The following ALMS1 variants were observed in gnomAD, a reference collection of about 807,000 sequenced individuals.
ALMS1 encodes the protein centrosome-associated protein ALMS1.
In ALMS1, 271 loss-of-function variants were observed where a neutral mutation model predicts 352.2. The observed-to-expected ratio is 0.77, with a 90% confidence interval of 0.70 to 0.85. The LOEUF (loss-of-function observed/expected upper bound fraction) is 0.85. Among genes scored for constraint, ALMS1 ranks in the 40% least tolerant of loss-of-function variants. The pLI, the probability that ALMS1 is intolerant of heterozygous loss-of-function variation, is 0.00. For missense variants in ALMS1, 5,445 were observed against 4,870.7 expected (o/e 1.12, Z -3.51); for synonymous variants, 1,865 against 1,761.2 (o/e 1.06, Z -1.48).
intron 6 of ALMS1, among the ~76,000 whole-genome samples, chr2:73,428,243 T>A (rs1671419570): frequency 6.6e-6 from 1 of 152,204 alleles, no homozygotes; most frequent in Non-Finnish European, 1.5e-5. Flanking sequence ...GAGATTATTA[T>A]CATCCCTATT....
In ALMS1 at chr2:73,453,594, C is replaced by T. The variant is rs757852651; in HGVS notation, c.7067C>T (p.Ser2356Leu). Reference protein sequence around the residue: ...RGIENWEFISSTTVRSPLQEA... With the variant: ...RGIENWEFISLTTVRSPLQEA... ...ATTGAAAATTGGGAGTTTATTAGTT[C>T]AACTACAGTTAGAAGTCCTCTACAG... is the stretch of plus-strand genomic sequence containing the variant. Residue 2356 changes from serine to leucine, a missense_variant, in exon 8 of 23, where the codon TCA becomes TTA. Coordinates refer to ENST00000613296, the MANE Select transcript of ALMS1 (RefSeq NM_001378454.1). 1.2e-6 allele frequency: 2 copies of T among 1,613,844 alleles called. No individual in the cohort carries two copies. Among genetic ancestry groups the T allele is most frequent in the Non-Finnish European group, 1.7e-6 (2 of 1,179,982 alleles).
chr2:73,509,147 C>T (rs1476035811), intron 10 of ALMS1, among the ~76,000 whole-genome samples: 1 of 152,006 alleles, frequency 6.6e-6, no homozygotes, highest in Admixed American at 6.6e-5. Context: ...TGTGTCTTTG[C>T]ACATGAGATG....
chr2:73,456,717 A>G (rs1172830520), intron 9 of ALMS1: 3 of 152,208 alleles, frequency 2.0e-5, no homozygotes, highest in African/African-American at 7.2e-5. Flanking sequence ...GGTTTTACGT[A>G]TATGCTTGTG....
chr2:73,457,032 T>G (rs1572940911), intron 9 of ALMS1: 2 of 152,266 alleles, frequency 1.3e-5, no homozygotes, highest in South Asian at 4.1e-4. Flanking sequence ...CAGCATGAAG[T>G]ATATTCAGTA....
intron 11 of ALMS1, among the ~76,000 whole-genome samples, chr2:73,530,470 C>T (rs1673885439): frequency 6.6e-6 from 1 of 152,192 alleles, no homozygotes; most frequent in African/African-American, 2.4e-5. Context: ...GCAGCTCCAC[C>T]CCTGAGGTTT....
intron 9 of ALMS1, among the ~76,000 whole-genome samples, chr2:73,475,383 C>G (rs1402488350): frequency 6.6e-6 from 1 of 152,074 alleles, no homozygotes; most frequent in Non-Finnish European, 1.5e-5. Flanking sequence ...CACGTCCTTT[C>G]CAACATTTGT....
intron 12 of ALMS1, among the ~76,000 whole-genome samples, chr2:73,539,073 G>C (rs989979541): frequency 7.2e-5 from 11 of 152,204 alleles, no homozygotes; most frequent in Admixed American, 7.2e-4. Context: ...TCTGAGAACG[G>C]ACAGATTACC....
At chr2:73,404,901 T>A (rs1670942644) in intron 1 of ALMS1, among the ~76,000 whole-genome samples, 2 of 102,578 alleles carry the variant, frequency 1.9e-5, no homozygotes, top group South Asian at 3.1e-4. Flanking sequence ...TCCTGGACCT[T>A]TTTTTTTTTT....
In ALMS1 at chr2:73,406,120, C is replaced by T. The variant is rs896795411; in HGVS notation, c.325-2502C>T. On this transcript the variant is annotated intron_variant, in intron 1 of 22. Transcript: ENST00000613296. Reference sequence around the variant, plus strand: ...CATGGAAAGTTGGTTATTGAAGTCTCTCACTGTTTTTGGAGAGCTCCCTTC... The same window carrying T: ...CATGGAAAGTTGGTTATTGAAGTCTTTCACTGTTTTTGGAGAGCTCCCTTC... Among the ~76,000 whole-genome samples the T allele has an allele frequency of 2.6e-5, 4 of 152,158 alleles. No homozygotes were observed. The South Asian group carries it at 8.3e-4, about 32-fold the overall frequency.
At chr2:73,505,585 C>T (rs1382309072) in intron 10 of ALMS1, among the ~76,000 whole-genome samples, 1 of 151,642 alleles carries the variant, frequency 6.6e-6, no homozygotes, top group African/African-American at 2.4e-5. Context: ...TTTTCTTGTA[C>T]ATTTGTTTAA....
In ALMS1 at chr2:73,490,457, T is replaced by G. The variant is rs1672955445; in HGVS notation, c.8498T>G (p.Phe2833Cys). The change falls in exon 10 of 23, where the codon TTC becomes TGC. Residue 2833 changes from phenylalanine (F) to cysteine (C), a missense_variant. Phe to Cys is a radical substitution (Grantham distance 205). Transcript: ENST00000613296. Reference protein sequence around the residue: ...EPSTRANCSNFKEIQISDNHT... With the variant: ...EPSTRANCSNCKEIQISDNHT... ...AGTACCAGGGCAAATTGTAGCAATTTCAAGGAAATTCAGATTTCTGATAAC... is the reference window on the plus strand; with the variant it reads ...AGTACCAGGGCAAATTGTAGCAATTGCAAGGAAATTCAGATTTCTGATAAC... The G allele has an allele frequency of 6.2e-7, 1 of 1,614,054 alleles. No individual in the cohort carries two copies. Among genetic ancestry groups the G allele is most frequent in the South Asian group, 1.1e-5 (1 of 91,082 alleles).
At chr2:73,604,367 C>T (rs1455) in intron 21 of ALMS1, among the ~76,000 whole-genome samples, 2 of 151,906 alleles carry the variant, frequency 1.3e-5, no homozygotes, top group South Asian at 2.1e-4. Context: ...CATTACGCTC[C>T]GGCCTGGGTA....
In ALMS1 at chr2:73,572,745, T is replaced by C. The variant is rs1285643974; in HGVS notation, c.10868T>C (p.Leu3623Pro). The C allele has an allele frequency of 6.2e-7, 1 of 1,614,116 alleles. No individual in the cohort carries two copies. The highest frequency in any genetic ancestry group is 1.7e-5 in the Admixed American group (1 of 59,998). Reference protein sequence around the residue: ...RQPELGDRKELSLVDRLDRLA... With the variant: ...RQPELGDRKEPSLVDRLDRLA... Reference sequence around the variant, plus strand: ...CCTGAGTTGGGTGACAGGAAAGAACTGTCCTTGGTGGACCGACTTGATCGT... The same window carrying C: ...CCTGAGTTGGGTGACAGGAAAGAACCGTCCTTGGTGGACCGACTTGATCGT... The change falls in exon 16 of 23, where the codon CTG (leucine) becomes CCG (proline). Residue 3623 changes from leucine (L) to proline (P), a missense_variant. Physicochemically the swap from Leu to Pro is moderately conservative, Grantham distance 98. Transcript: ENST00000613296.
chr2:73,536,855 C>G (rs1674040096), intron 12 of ALMS1, among the ~76,000 whole-genome samples: 2 of 152,258 alleles, frequency 1.3e-5, no homozygotes, highest in Middle Eastern at 3.4e-3. Context: ...AGTATTTATT[C>G]AAGAAAAATG....
Position 73,430,176 on chromosome 2 carries a change from A to T in ALMS1, c.1339-2022A>T, listed in dbSNP as rs187751473. ...ACTGCAAGCTCCGCCTCCCGGGTTCACACCATTCTCCTGCCTCAGCCTCCT... is the reference window on the plus strand; with the variant it reads ...ACTGCAAGCTCCGCCTCCCGGGTTCTCACCATTCTCCTGCCTCAGCCTCCT... On this transcript the variant is annotated intron_variant, in intron 6 of 22. Transcript: ENST00000613296. Among the ~76,000 whole-genome samples the T allele has an allele frequency of 4.0e-5, 6 of 149,980 alleles. No individual in the cohort carries two copies. In the East Asian group the frequency reaches 1.2e-3, roughly 29 times the overall value.
intron 1 of ALMS1, among the ~76,000 whole-genome samples, chr2:73,395,078 A>T (rs201239824): frequency 0.34 from 34,389 of 101,168 alleles, 6,332 homozygotes; most frequent in African/African-American, 0.57. Context: ...ATATATATAT[A>T]TTTTTTTTTT....
intron 1 of ALMS1, among the ~76,000 whole-genome samples, chr2:73,404,332 G>A (rs573449669): frequency 6.6e-6 from 1 of 152,286 alleles, no homozygotes; most frequent in African/African-American, 2.4e-5. Flanking sequence ...GTAGAAGGGT[G>A]AGAGCAAGCA....
chr2:73,440,857 A>G (rs1671705883), intron 7 of ALMS1, among the ~76,000 whole-genome samples: 1 of 152,204 alleles, frequency 6.6e-6, no homozygotes, highest in South Asian at 2.1e-4. Context: ...TTTAGCAGGC[A>G]GTTGCTCTAT....
Position 73,449,544 on chromosome 2 carries a change from G to C in ALMS1, c.3017G>C (p.Arg1006Thr), listed in dbSNP as rs367634672. The change falls in exon 8 of 23, where the codon AGA becomes ACA. Residue 1006 changes from arginine (R) to threonine (T), a missense_variant. Coordinates refer to ENST00000613296, the MANE Select transcript of ALMS1 (RefSeq NM_001378454.1). ...GTACCTTCAGGTTCCTTCTCACATA[G>C]AGAGAAGCCCAGTATTTTCTATCAA... ...PTVPSGSFSH[R>T]EKPSIFYQQE... The C allele has an allele frequency of 6.2e-7, 1 of 1,614,042 alleles. No homozygotes were observed. Among genetic ancestry groups the C allele is most frequent in the South Asian group, 1.1e-5 (1 of 91,080 alleles).
Sources: gnomAD v4.1 joint callset for allele counts (sites outside exome capture counted in the v4.1 genomes callset) on GRCh38, gnomAD v4.1.1 for gene constraint, MANE v1.5 for transcripts, NCBI Gene and HGNC (gene_info 2026-07-23, HGNC 2026-07-21) for gene names.